Variants in SUCLA2 observed in about 807,000 individuals in gnomAD.
The protein encoded by SUCLA2 is succinate-CoA ligase ADP-forming subunit beta, also known as succinate--CoA ligase [ADP-forming] subunit beta, mitochondrial.
A neutral mutation model predicts 54.8 loss-of-function variants in SUCLA2; 30 were observed. The ratio of observed to expected loss-of-function variants is 0.55; its 90% confidence interval spans 0.41 to 0.74. The LOEUF (loss-of-function observed/expected upper bound fraction) is 0.74, where lower values mean the gene tolerates loss of function less well. Among genes scored for constraint, SUCLA2 ranks in the 30% least tolerant of loss-of-function variants. The pLI is 0.00. For synonymous variants in SUCLA2, 172 were observed against 188.9 expected (o/e 0.91, Z 0.74); for missense variants, 476 against 562.9 (o/e 0.85, Z 1.56).
intron 2 of SUCLA2, among the ~76,000 whole-genome samples, chr13:47,994,165 G>C (rs1000839498): frequency 3.9e-5 from 6 of 152,008 alleles, no homozygotes; most frequent in Non-Finnish European, 7.4e-5. Context: ...TCAGCATTGG[G>C]AATTGCTAGC....
chr13:47,965,494 TAA>T (rs35331016), intron 6 of SUCLA2: 3,693 of 303,618 alleles, frequency 0.012, no homozygotes, highest in East Asian at 0.018. Context: ...ACCCCTTCTT[TAA>T]AAAAAAAAAA....
chr13:47,943,428 T>C lies in SUCLA2; in HGVS notation c.1335A>G (p.Glu445=), dbSNP rs778280630. The C allele has an allele frequency of 1.4e-5, 22 of 1,613,826 alleles. No individual in the cohort carries two copies. In the Admixed American group the frequency reaches 2.0e-4, roughly 15 times the overall value. The change falls in exon 11 of 11, where the codon GAA becomes GAG. Residue 445 remains glutamate, a synonymous_variant. Transcript: ENST00000646932. The part of the protein sequence containing the change: ...EAARMVVKLS[E]IVTLAKQAHV... ...GTGCTTGCTTCGCTAAGGTCACTATTTCAGAGAGCTTTACAACCTAAAAGA... is the reference window on the plus strand; with the variant it reads ...GTGCTTGCTTCGCTAAGGTCACTATCTCAGAGAGCTTTACAACCTAAAAGA...
intron 10 of SUCLA2, among the ~76,000 whole-genome samples, chr13:47,947,634 T>C (rs1949743381): frequency 6.6e-6 from 1 of 152,184 alleles, no homozygotes; most frequent in Non-Finnish European, 1.5e-5. Flanking sequence ...TGTATACGTT[T>C]TGATGAAATT....
chr13:47,945,802 T>A (rs1298618399), intron 10 of SUCLA2: 1 of 152,284 alleles, frequency 6.6e-6, no homozygotes, highest in Admixed American at 6.5e-5. Flanking sequence ...AGTTTTAAAC[T>A]GTGTGTTGTT....
chr13:47,993,409 C>T (rs1950164848), intron 2 of SUCLA2, among the ~76,000 whole-genome samples: 1 of 152,226 alleles, frequency 6.6e-6, no homozygotes, highest in South Asian at 2.1e-4. Flanking sequence ...TCTTCAAGCT[C>T]ACCAACCTTC....
At chr13:48,001,007 C>A in intron 1 of SUCLA2, 173 bp downstream of exon 1, 1 of 1,456,708 alleles carries the variant, frequency 6.9e-7, no homozygotes, top group Non-Finnish European at 9.1e-7. Context: ...CAAACATGGG[C>A]TCGCTCGTAG....
chr13:47,957,575 T>C (rs1566083031), intron 6 of SUCLA2, among the ~76,000 whole-genome samples: 2 of 152,170 alleles, frequency 1.3e-5, no homozygotes, highest in South Asian at 4.1e-4. Context: ...TGCATCGATA[T>C]AGGTAAGTGT....
intron 2 of SUCLA2, among the ~76,000 whole-genome samples, chr13:47,989,994 T>C (rs1410550985): frequency 6.6e-6 from 1 of 152,206 alleles, no homozygotes; most frequent in South Asian, 2.1e-4. Context: ...TCCTTTCTAA[T>C]TTGCTGTGGA....
At position 47,988,527 on chromosome 13, in the gene SUCLA2, C is replaced by G; in HGVS notation, c.534+14G>C. The G allele has an allele frequency of 6.2e-7, 1 of 1,613,214 alleles. No homozygotes were observed. The highest frequency in any genetic ancestry group is 8.5e-7 in the Non-Finnish European group (1 of 1,179,644). On this transcript the variant is annotated intron_variant, in intron 4 of 10. Transcript: ENST00000646932. ...TAAATTTATCCCGTATGTATCATGTCTACAATTACTCACTTGAAATGACCT... is the reference window on the plus strand; with the variant it reads ...TAAATTTATCCCGTATGTATCATGTGTACAATTACTCACTTGAAATGACCT...
At chr13:47,991,425 T>G (rs1043745591) in intron 2 of SUCLA2, 1 of 152,190 alleles carries the variant, frequency 6.6e-6, no homozygotes, top group Admixed American at 6.6e-5. Flanking sequence ...CCCCGATCCT[T>G]CAAGTTTCTC....
chr13:47,958,128 T>A (rs374191282), intron 6 of SUCLA2, among the ~76,000 whole-genome samples: 6 of 152,324 alleles, frequency 3.9e-5, no homozygotes, highest in African/African-American at 1.4e-4. Context: ...GTATGTGATG[T>A]TCTCCTTTGC....
intron 6 of SUCLA2, among the ~76,000 whole-genome samples, chr13:47,965,330 C>T (rs1440635810): frequency 6.6e-6 from 1 of 151,492 alleles, no homozygotes; most frequent in Non-Finnish European, 1.5e-5. Context: ...CTTCTGGAAA[C>T]GATCTTAAAC....
intron 4 of SUCLA2, among the ~76,000 whole-genome samples, chr13:47,977,718 T>C (rs1413450793): frequency 6.6e-6 from 1 of 152,108 alleles, no homozygotes; most frequent in African/African-American, 2.4e-5. Context: ...CAAAATTGAA[T>C]ACCCTTTCAC....
chr13:47,994,833 A>G, intron 2 of SUCLA2: 1 of 985,392 alleles, frequency 1.0e-6, no homozygotes, highest in Non-Finnish European at 1.2e-6. Context: ...CTGGTCCCAG[A>G]GAACTTGCCA....
In SUCLA2 at chr13:47,968,745, A is replaced by G. The variant is rs1251657319; in HGVS notation, c.664-12T>C. ...ATCTTCTGTGCAAGCTGAAATCAAT[A>G]TGTCTTTTTATTATAGGTAGTTTGC... On this transcript the variant is annotated splice_polypyrimidine_tract_variant and intron_variant, in intron 5 of 10. Transcript: ENST00000646932. 26 of 1,611,842 alleles carry G rather than the reference A, an allele frequency of 1.6e-5. No individual in the cohort carries two copies. The East Asian group carries it at 5.8e-4, about 36-fold the overall frequency.
At chr13:47,947,010 T>C (rs952814256) in intron 10 of SUCLA2, among the ~76,000 whole-genome samples, 3 of 152,130 alleles carry the variant, frequency 2.0e-5, no homozygotes, top group Non-Finnish European at 4.4e-5. Flanking sequence ...TAAGGCCAAA[T>C]TGTGCTCTCT....
rs1218300094 is a variant in SUCLA2, at chr13:47,942,805, T to C, written c.*566A>G. The C allele has an allele frequency of 1.3e-5, 2 of 153,522 alleles. No homozygotes were observed. The highest frequency in any genetic ancestry group is 1.9e-4 in the East Asian group (1 of 5,224). The allele number at this position is 153,522 out of a possible 1,614,324, so 9.5% of individuals were successfully genotyped here. A position where few individuals can be genotyped will look rare whatever the true frequency, so the allele number is the denominator to read the frequency against. ...CTTGCAGTTAATCAGTGTTTCCTAA[T>C]GATTAAAACAATGTTCAAATAATTA... On this transcript the variant is annotated 3_prime_UTR_variant, in exon 11 of 11. Coordinates refer to ENST00000646932, the MANE Select transcript of SUCLA2 (RefSeq NM_003850.3).
chr13:47,943,768 A>G (rs193087105), intron 10 of SUCLA2, among the ~76,000 whole-genome samples: 82 of 131,516 alleles, frequency 6.2e-4, no homozygotes, highest in African/African-American at 2.0e-3. Flanking sequence ...GTGTGTGTGT[A>G]TATATATATA....
chr13:47,983,187 C>T (rs546657473), intron 4 of SUCLA2, among the ~76,000 whole-genome samples: 1 of 152,192 alleles, frequency 6.6e-6, no homozygotes, highest in African/African-American at 2.4e-5. Context: ...ATTAGCAAGT[C>T]TAAGTAAAGA....
Sources: allele counts gnomAD v4.1 joint callset (sites outside exome capture counted in the v4.1 genomes callset), GRCh38; gene constraint gnomAD v4.1.1; transcripts MANE v1.5; gene names NCBI Gene and HGNC (gene_info 2026-07-23, HGNC 2026-07-21).